The following RCAN2 variants were observed in gnomAD, a reference collection of about 807,000 sequenced individuals.
The protein encoded by RCAN2 is regulator of calcineurin 2.
Under a neutral mutation model 23.6 loss-of-function variants are expected in RCAN2, and 9 were observed. The ratio of observed to expected loss-of-function variants is 0.38; its 90% confidence interval spans 0.23 to 0.67. The LOEUF (loss-of-function observed/expected upper bound fraction) is 0.67, where lower values mean the gene tolerates loss of function less well. RCAN2 is among the 30% of genes least tolerant of loss of function. The pLI, the probability that RCAN2 is intolerant of heterozygous loss-of-function variation, is 0.51. For missense variants in RCAN2, 273 were observed against 302.3 expected (o/e 0.90, Z 0.72); for synonymous variants, 109 against 115.7 (o/e 0.94, Z 0.37).
At chr6:46,261,691 G>T (rs1487224023) in intron 2 of RCAN2, among the ~76,000 whole-genome samples, 1 of 152,148 alleles carries the variant, frequency 6.6e-6, no homozygotes, top group Non-Finnish European at 1.5e-5. Flanking sequence ...TTATAGGAAT[G>T]TCAGCAAAAT....
intron 2 of RCAN2, among the ~76,000 whole-genome samples, chr6:46,378,329 A>G (rs1260089446): frequency 6.6e-6 from 1 of 152,172 alleles, no homozygotes; most frequent in Admixed American, 6.5e-5. Context: ...ATGTTACTCA[A>G]CTTGAGCTAG....
At chr6:46,246,125 T>A (rs1766503518) in intron 4 of RCAN2, among the ~76,000 whole-genome samples, 1 of 152,192 alleles carries the variant, frequency 6.6e-6, no homozygotes, top group South Asian at 2.1e-4. Flanking sequence ...TAAATGTCCA[T>A]CAACAGGAGA....
intron 2 of RCAN2, among the ~76,000 whole-genome samples, chr6:46,409,754 CAA>C (rs1766497073): frequency 6.6e-6 from 1 of 152,108 alleles, no homozygotes; most frequent in Admixed American, 6.5e-5. Flanking sequence ...TACTTTTGAT[CAA>C]AGTTTTGATA....
intron 2 of RCAN2, among the ~76,000 whole-genome samples, chr6:46,421,032 T>G (rs974535391): frequency 2.0e-5 from 3 of 152,226 alleles, no homozygotes; most frequent in Admixed American, 6.5e-5. Context: ...TTAGAGGATA[T>G]TCAGTAAGTT....
At chr6:46,293,337 C>T (rs902805348) in intron 2 of RCAN2, among the ~76,000 whole-genome samples, 1 of 152,118 alleles carries the variant, frequency 6.6e-6, no homozygotes, top group Non-Finnish European at 1.5e-5. Flanking sequence ...ATTTCTACTT[C>T]TTTGTGCATA....
intron 2 of RCAN2, among the ~76,000 whole-genome samples, chr6:46,389,914 G>A (rs1386159659): frequency 6.6e-6 from 1 of 151,734 alleles, no homozygotes; most frequent in Non-Finnish European, 1.5e-5. Flanking sequence ...CTTCTATTCT[G>A]TAAGAAGAAG....
At chr6:46,242,900 G>A (rs76309371) in intron 4 of RCAN2, among the ~76,000 whole-genome samples, 6,614 of 152,262 alleles carry the variant, frequency 0.043, 458 homozygotes, top group African/African-American at 0.15. Context: ...TTCCTCCAAT[G>A]TTTATTGAGC....
intron 2 of RCAN2, among the ~76,000 whole-genome samples, chr6:46,346,317 T>C (rs1350759812): frequency 6.6e-6 from 1 of 152,146 alleles, no homozygotes; most frequent in African/African-American, 2.4e-5. Context: ...AACAATTTTA[T>C]AGACTCAGGA....
At position 46,320,655 on chromosome 6, in the gene RCAN2, T is replaced by C. The variant is rs549843617; in HGVS notation, c.226-71759A>G. ...CCAGGTCACATGGATTGGGAGGATG[T>C]TGAGAAATTCTCAAAAGCAGAGGAG... On this transcript the variant is annotated intron_variant, in intron 2 of 4. Transcript: ENST00000371374. Among the ~76,000 whole-genome samples the C allele has an allele frequency of 3.0e-4, 46 of 152,322 alleles. No individual in the cohort carries two copies. In the South Asian group the frequency reaches 4.6e-3, roughly 15 times the overall value.
At chr6:46,256,395 A>ATAAAATAAAG (rs1284626107) in intron 2 of RCAN2, among the ~76,000 whole-genome samples, 8 of 151,660 alleles carry the variant, frequency 5.3e-5, no homozygotes, top group Non-Finnish European at 1.2e-4. Flanking sequence ...ATAAAATAAA[A>ATAAAATAAAG]TAAAATAAAA....
At chr6:46,326,216 G>T (rs1289420391) in intron 2 of RCAN2, among the ~76,000 whole-genome samples, 2 of 152,214 alleles carry the variant, frequency 1.3e-5, no homozygotes, top group Non-Finnish European at 2.9e-5. Flanking sequence ...TCTATTTGAA[G>T]GCTATAAGTG....
At chr6:46,347,245 A>C (rs373034735) in intron 2 of RCAN2, among the ~76,000 whole-genome samples, 45 of 152,232 alleles carry the variant, frequency 3.0e-4, no homozygotes, top group African/African-American at 1.0e-3. Flanking sequence ...ATTTCTCTGG[A>C]GAAGCTTTCA....
At chr6:46,477,886 T>C (rs1425030350) in intron 1 of RCAN2, among the ~76,000 whole-genome samples, 2 of 152,198 alleles carry the variant, frequency 1.3e-5, no homozygotes, top group Non-Finnish European at 2.9e-5. Flanking sequence ...ACTCTAAGTA[T>C]ATGCAAATGT....
In RCAN2 at chr6:46,302,886, C is replaced by T. The variant is rs144387134; in HGVS notation, c.226-53990G>A. ...GGATGATAAAATTGAGGCTCAGGGG[C>T]TTATGTGACCCATCTAAGGTCACAT... On this transcript the variant is annotated intron_variant, in intron 2 of 4. Transcript: ENST00000371374. Among the ~76,000 whole-genome samples the T allele has an allele frequency of 3.0e-3, 462 of 152,084 alleles. 1 individual carries two copies. Among genetic ancestry groups the T allele is most frequent in the African/African-American group, 0.011 (443 of 41,510 alleles).
intron 2 of RCAN2, among the ~76,000 whole-genome samples, chr6:46,405,671 C>T (rs1766377725): frequency 6.6e-6 from 1 of 152,222 alleles, no homozygotes; most frequent in South Asian, 2.1e-4. Context: ...GACTCCATGT[C>T]CCCACCAGAC....
At chr6:46,242,035 A>G (rs1766324545) in intron 4 of RCAN2, among the ~76,000 whole-genome samples, 4 of 152,220 alleles carry the variant, frequency 2.6e-5, no homozygotes, top group Admixed American at 2.6e-4. Context: ...AATTTTCGGA[A>G]TATAAACTTG....
chr6:46,395,646 A>G (rs1312090112), intron 2 of RCAN2, among the ~76,000 whole-genome samples: 2 of 152,254 alleles, frequency 1.3e-5, no homozygotes, highest in African/African-American at 4.8e-5. Flanking sequence ...ATGTACTGCT[A>G]AACTTAGCAC....
intron 2 of RCAN2, among the ~76,000 whole-genome samples, chr6:46,394,868 T>C (rs1766044384): frequency 6.6e-6 from 1 of 152,160 alleles, no homozygotes; most frequent in Non-Finnish European, 1.5e-5. Context: ...ATGGAAGCAG[T>C]GGACATAGTG....
chr6:46,387,178 G>A (rs908623568), intron 2 of RCAN2, among the ~76,000 whole-genome samples: 1 of 152,116 alleles, frequency 6.6e-6, no homozygotes, highest in African/African-American at 2.4e-5. Context: ...ATACCATTCA[G>A]GACACAGGCA....
Sources: allele counts gnomAD v4.1 joint callset (sites outside exome capture counted in the v4.1 genomes callset), GRCh38; gene constraint gnomAD v4.1.1; transcripts MANE v1.5; gene names NCBI Gene and HGNC (gene_info 2026-07-23, HGNC 2026-07-21).